Variants in CDH9 observed in about 807,000 individuals in gnomAD.
The protein encoded by CDH9 is cadherin 9, also known as cadherin-9.
Under a neutral mutation model 70.9 loss-of-function variants are expected in CDH9, and 28 were observed. The observed-to-expected ratio is 0.40, with a 90% CI of 0.29 to 0.54. The LOEUF (loss-of-function observed/expected upper bound fraction) is 0.54. Ranked by LOEUF, CDH9 falls within the 20% of genes least tolerant of loss-of-function variation. CDH9 has a pLI of 0.59. For missense variants in CDH9, 874 were observed against 984.4 expected (o/e 0.89, Z 1.50); for synonymous variants, 409 against 343.1 (o/e 1.19, Z -2.12).
In CDH9 at chr5:26,903,701, C is replaced by T; in HGVS notation, c.935G>A (p.Gly312Asp). 1.2e-6 allele frequency: 2 copies of T among 1,609,440 alleles called. No individual in the cohort carries two copies. Among genetic ancestry groups the T allele is most frequent in the Non-Finnish European group, 1.7e-6 (2 of 1,176,396 alleles). The change falls in exon 6 of 12, where the codon GGT becomes GAT. Residue 312 changes from glycine (G) to aspartate (D), a missense_variant. Physicochemically the swap from Gly to Asp is moderately conservative, Grantham distance 94 (BLOSUM62 -1). Transcript: ENST00000231021. ...AGTGATGACATCGAACATGTCTGCACCATCTCCTTCAGCAATGCTATACTC... is the reference window on the plus strand; with the variant it reads ...AGTGATGACATCGAACATGTCTGCATCATCTCCTTCAGCAATGCTATACTC... Reference protein sequence around the residue: ...EMEYSIAEGDGADMFDVITDK... With the variant: ...EMEYSIAEGDDADMFDVITDK...
rs536395293 is a variant in CDH9, at chr5:26,964,158, T to C, written c.228+23948A>G. On this transcript the variant is annotated intron_variant, in intron 2 of 11. Transcript: ENST00000231021. ...AAAAGACTCTTATCTTCACAAAACTTACATTCAGTAGAAAGCAAGACTCTA... is the reference window on the plus strand; with the variant it reads ...AAAAGACTCTTATCTTCACAAAACTCACATTCAGTAGAAAGCAAGACTCTA... Among the ~76,000 whole-genome samples the C allele has an allele frequency of 2.8e-4, 43 of 152,164 alleles. 1 individual carries two copies. In the South Asian group the frequency reaches 8.5e-3, roughly 30 times the overall value.
intron 2 of CDH9, among the ~76,000 whole-genome samples, chr5:26,961,805 A>G (rs1430135115): frequency 2.0e-5 from 3 of 152,116 alleles, no homozygotes; most frequent in Non-Finnish European, 2.9e-5. Context: ...TAGCACCATG[A>G]GTGCATTATC....
Position 26,890,564 on chromosome 5 carries a change from C to T in CDH9, c.1254G>A (p.Lys418=). The T allele has an allele frequency of 6.2e-7, 1 of 1,602,570 alleles. No individual in the cohort carries two copies. Among genetic ancestry groups the T allele is most frequent in the African/African-American group, 1.3e-5 (1 of 74,802 alleles). The change falls in exon 8 of 12, where the codon AAG becomes AAA. Residue 418 remains lysine (K), a splice_region_variant and synonymous_variant. Transcript: ENST00000231021. The part of the protein sequence containing the change: ...YDPDARNNLI[K]YSVDRHTDMD... ...TATCAGTATGCCGATCAACAGAGTA[C>T]CTGGCAGAAGACAGACTCATAAATC...
At chr5:26,988,006 T>C in intron 2 of CDH9, 100 bp downstream of exon 2, 1 of 780,086 alleles carries the variant, frequency 1.3e-6, no homozygotes, top group Non-Finnish European at 2.0e-6. Context: ...CATAATTAGT[T>C]AAATATTTTT....
intron 2 of CDH9, among the ~76,000 whole-genome samples, chr5:26,962,840 T>G (rs1276742681): frequency 6.6e-6 from 1 of 152,138 alleles, no homozygotes; most frequent in Non-Finnish European, 1.5e-5. Flanking sequence ...CGTTTCTCAT[T>G]TTAACTATTT....
At chr5:26,970,122 A>T (rs1188320154) in intron 2 of CDH9, among the ~76,000 whole-genome samples, 2 of 151,218 alleles carry the variant, frequency 1.3e-5, no homozygotes, top group Non-Finnish European at 3.0e-5. Flanking sequence ...GGTGTAATTA[A>T]GTTAAATATA....
chr5:26,899,821 A>ATC, intron 7 of CDH9, among the ~76,000 whole-genome samples: 1 of 152,008 alleles, frequency 6.6e-6, no homozygotes, highest in African/African-American at 2.4e-5. Context: ...ATATCTATGT[A>ATC]ACAAACCTGC....
At position 26,938,226 on chromosome 5, in the gene CDH9, G is replaced by A. The variant is rs143258990; in HGVS notation, c.229-22302C>T. On this transcript the variant is annotated intron_variant, in intron 2 of 11. Transcript: ENST00000231021. Reference sequence around the variant, plus strand: ...AAAATCAATGTAAAAAAGTGAAAAAGCCATAGGCTGGAATAAAATATTTAG... The same window carrying A: ...AAAATCAATGTAAAAAAGTGAAAAAACCATAGGCTGGAATAAAATATTTAG... Among the ~76,000 whole-genome samples the A allele has an allele frequency of 1.0e-3, 155 of 150,966 alleles. 2 individuals carry two copies. Among genetic ancestry groups the A allele is most frequent in the Middle Eastern group, 3.4e-3 (1 of 292 alleles).
At chr5:27,030,697 A>G (rs1196592345) in intron 1 of CDH9, among the ~76,000 whole-genome samples, 3 of 151,926 alleles carry the variant, frequency 2.0e-5, no homozygotes, top group Non-Finnish European at 4.4e-5. Flanking sequence ...AACCTAAGTC[A>G]ACTTTATTTT....
chr5:26,933,311 C>T (rs939830729), intron 2 of CDH9, among the ~76,000 whole-genome samples: 1 of 151,446 alleles, frequency 6.6e-6, no homozygotes, highest in South Asian at 2.1e-4. Context: ...TGATCTTGGA[C>T]TTCCATCCTC....
chr5:26,973,678 C>T (rs958859785), intron 2 of CDH9, among the ~76,000 whole-genome samples: 2 of 152,034 alleles, frequency 1.3e-5, no homozygotes, highest in African/African-American at 4.8e-5. Flanking sequence ...TGTTAGGGAG[C>T]CCGTGTTAAT....
chr5:27,004,110 GAAAAA>G (rs59593576), intron 1 of CDH9, among the ~76,000 whole-genome samples: 4 of 106,606 alleles, frequency 3.8e-5, no homozygotes, highest in African/African-American at 6.7e-5. Context: ...ATGCCTCTCT[GAAAAA>G]AAAAAAAAAA....
intron 1 of CDH9, among the ~76,000 whole-genome samples, chr5:27,025,971 C>T (rs1048703748): frequency 2.6e-5 from 4 of 151,952 alleles, no homozygotes; most frequent in African/African-American, 4.8e-5. Flanking sequence ...GTGAGTCTTT[C>T]ACTTATAACC....
At chr5:26,926,997 A>T (rs1053383357) in intron 2 of CDH9, among the ~76,000 whole-genome samples, 1 of 151,506 alleles carries the variant, frequency 6.6e-6, no homozygotes, top group African/African-American at 2.4e-5. Flanking sequence ...TTGACACAAA[A>T]ATCCTCAACA....
At chr5:26,949,334 A>G (rs1405548644) in intron 2 of CDH9, among the ~76,000 whole-genome samples, 1 of 152,196 alleles carries the variant, frequency 6.6e-6, no homozygotes, top group African/African-American at 2.4e-5. Context: ...TGGGCGATTG[A>G]TATAGCTGCT....
chr5:27,000,550 T>G (rs1413836854), intron 1 of CDH9, among the ~76,000 whole-genome samples: 2 of 152,072 alleles, frequency 1.3e-5, no homozygotes, highest in African/African-American at 4.8e-5. Flanking sequence ...GTGACCGAAG[T>G]TGGAACAACT....
At chr5:26,909,669 T>G (rs1203901637) in intron 3 of CDH9, among the ~76,000 whole-genome samples, 3 of 151,800 alleles carry the variant, frequency 2.0e-5, no homozygotes, top group Admixed American at 2.0e-4. Context: ...GAGACCATTA[T>G]TTTTGCAATT....
chr5:27,000,220 A>T (rs1742740834), intron 1 of CDH9, among the ~76,000 whole-genome samples: 1 of 152,184 alleles, frequency 6.6e-6, no homozygotes, highest in Non-Finnish European at 1.5e-5. Context: ...TTCTGCAAAG[A>T]TATCTAACCA....
At chr5:26,889,432 C>T (rs528094661) in intron 9 of CDH9, among the ~76,000 whole-genome samples, 1 of 151,858 alleles carries the variant, frequency 6.6e-6, no homozygotes, top group African/African-American at 2.4e-5. Flanking sequence ...ATCAAGAAAA[C>T]AATGATTATG....
Sources: gnomAD v4.1 joint callset for allele counts (sites outside exome capture counted in the v4.1 genomes callset) on GRCh38, gnomAD v4.1.1 for gene constraint, MANE v1.5 for transcripts, NCBI Gene and HGNC (gene_info 2026-07-23, HGNC 2026-07-21) for gene names.